ALPK2: variants seen among roughly 807,000 people sequenced by gnomAD.
ALPK2 encodes the protein alpha kinase 2.
A neutral mutation model predicts 163.1 loss-of-function variants in ALPK2; 127 were observed. That is an observed-to-expected ratio of 0.78 (90% CI 0.67 to 0.90). The LOEUF (loss-of-function observed/expected upper bound fraction) is 0.90, where lower values mean the gene tolerates loss of function less well. Among genes scored for constraint, ALPK2 ranks in the 40% least tolerant of loss-of-function variants. The pLI is 0.00. For synonymous variants in ALPK2, 953 were observed against 959.1 expected (o/e 0.99, Z 0.12); for missense variants, 2,360 against 2,589.6 (o/e 0.91, Z 1.92).
chr18:58,501,393 T>TTG (rs1281132705), intron 11 of ALPK2, among the ~76,000 whole-genome samples: 2 of 152,146 alleles, frequency 1.3e-5, no homozygotes, highest in East Asian at 1.9e-4. Flanking sequence ...ACCATATGTT[T>TTG]TGTGTGTGTG....
rs2052245909 is a variant in ALPK2 at position 58,628,993 on chromosome 18, A to T, written c.-250T>A. On this transcript the variant is annotated 5_prime_UTR_variant, in exon 1 of 13. Coordinates refer to ENST00000361673, the MANE Select transcript of ALPK2 (RefSeq NM_052947.4). ...ATTCCATGCCCGGGGAAGTTCTGGAAGAAGAGCATTTTTTCCCCGCCCTTC... is the reference window on the plus strand; with the variant it reads ...ATTCCATGCCCGGGGAAGTTCTGGATGAAGAGCATTTTTTCCCCGCCCTTC... 1 of 152,260 alleles carries T rather than the reference A, an allele frequency of 6.6e-6. No individual in the cohort carries two copies. The highest frequency in any genetic ancestry group is 2.4e-5 in the African/African-American group (1 of 41,458). 9.4% of individuals were successfully genotyped at this position (152,260 alleles called of 1,614,324 possible).
At chr18:58,521,628 T>TC (rs1555665544) in intron 8 of ALPK2, among the ~76,000 whole-genome samples, 15 of 19,172 alleles carry the variant, frequency 7.8e-4, no homozygotes, top group East Asian at 3.4e-3. Flanking sequence ...TCTCTCTCTC[T>TC]TTTTTTTTTT....
intron 4 of ALPK2, among the ~76,000 whole-genome samples, chr18:58,562,369 T>C (rs903307309): frequency 6.6e-6 from 1 of 152,268 alleles, no homozygotes; most frequent in Non-Finnish European, 1.5e-5. Context: ...TTTTTAACTA[T>C]AGAACTGACT....
intron 4 of ALPK2, among the ~76,000 whole-genome samples, chr18:58,567,184 G>A (rs565538304): frequency 4.6e-5 from 7 of 151,686 alleles, no homozygotes; most frequent in African/African-American, 1.7e-4. Flanking sequence ...TCAGGAGTTC[G>A]AGACCAGTGT....
rs1219511655 is a variant in ALPK2 at position 58,524,003 on chromosome 18, C to T, written c.5561G>A (p.Gly1854Glu). ...AIVQASPKDQ[G>E]LYYCCIKNSY... Reference sequence around the variant, plus strand: ...GTTCTTGATGCAGCAGTAATAGAGTCCCTGGTCCTTCGGACTGGCTTGCAC... The same window carrying T: ...GTTCTTGATGCAGCAGTAATAGAGTTCCTGGTCCTTCGGACTGGCTTGCAC... Residue 1854 changes from glycine to glutamate, a missense_variant, in exon 7 of 13, where the codon GGA becomes GAA. By Grantham distance (98) the Gly-to-Glu change is moderately conservative (BLOSUM62 -2). Transcript: ENST00000361673. 1 of 1,614,068 alleles carries T rather than the reference C, an allele frequency of 6.2e-7. No homozygotes were observed. The highest frequency in any genetic ancestry group is 8.5e-7 in the Non-Finnish European group (1 of 1,180,024).
intron 4 of ALPK2, among the ~76,000 whole-genome samples, chr18:58,554,735 G>A (rs757629492): frequency 3.4e-4 from 51 of 152,204 alleles, no homozygotes; most frequent in Non-Finnish European, 6.5e-4. Context: ...TAACAAGCCT[G>A]TTTATGCCCA....
Position 58,580,221 on chromosome 18 carries a change from G to C in ALPK2, c.555C>G (p.Ser185=). 6.2e-7 allele frequency: 1 copy of C among 1,614,172 alleles called. No homozygotes were observed. The highest frequency in any genetic ancestry group is 8.5e-7 in the Non-Finnish European group (1 of 1,180,026). Residue 185 remains serine, a synonymous_variant, in exon 4 of 13, where the codon TCC becomes TCG. Transcript: ENST00000361673. ...TAACACCCAAAGGATTTTCAGAACT[G>C]GACACACTAATGTCAAGATTGCCCA... ...QSLGNLDISV[S]SSENPLGVKG...
At chr18:58,589,379 C>T (rs149993026) in intron 3 of ALPK2, among the ~76,000 whole-genome samples, 104 of 152,212 alleles carry the variant, frequency 6.8e-4, no homozygotes, top group Middle Eastern at 3.4e-3. Flanking sequence ...CCTAAAAGTT[C>T]TTCAGGATTC....
intron 5 of ALPK2, among the ~76,000 whole-genome samples, chr18:58,529,623 T>C (rs1343023988): frequency 6.6e-6 from 1 of 152,160 alleles, no homozygotes; most frequent in Non-Finnish European, 1.5e-5. Flanking sequence ...AGCTAGGAAT[T>C]AGGGAGTAGA....
At chr18:58,501,180 C>T (rs977723036) in intron 11 of ALPK2, among the ~76,000 whole-genome samples, 32 of 152,194 alleles carry the variant, frequency 2.1e-4, no homozygotes, top group Non-Finnish European at 3.5e-4. Flanking sequence ...AAACCACACA[C>T]GTCATTTACA....
chr18:58,564,257 G>T (rs2051839919), intron 4 of ALPK2, among the ~76,000 whole-genome samples: 1 of 150,858 alleles, frequency 6.6e-6, no homozygotes, highest in South Asian at 2.1e-4. Flanking sequence ...CACATAGCTG[G>T]GATTACAGAC....
At chr18:58,562,613 G>A (rs1391296800) in intron 4 of ALPK2, among the ~76,000 whole-genome samples, 1 of 152,214 alleles carries the variant, frequency 6.6e-6, no homozygotes, top group Non-Finnish European at 1.5e-5. Context: ...TGTACCAAAT[G>A]GCTCCCAAAT....
chr18:58,593,317 G>A (rs2052023938), intron 3 of ALPK2, among the ~76,000 whole-genome samples: 2 of 152,210 alleles, frequency 1.3e-5, no homozygotes, highest in African/African-American at 2.4e-5. Flanking sequence ...TGTAGTCCCA[G>A]CACTTTGGGA....
Position 58,509,284 on chromosome 18 carries a change from C to T in ALPK2, c.6030-5136G>A, listed in dbSNP as rs1362487977. Among the ~76,000 whole-genome samples, 12 of 152,070 alleles carry T rather than the reference C, an allele frequency of 7.9e-5. 1 individual carries two copies. In the South Asian group the frequency reaches 1.5e-3, roughly 19 times the overall value. ...ACATTTTCTTAATCCAGTCTATCATCGTTGGACATTTGGGTTGGTTCCAAG... is the reference window on the plus strand; with the variant it reads ...ACATTTTCTTAATCCAGTCTATCATTGTTGGACATTTGGGTTGGTTCCAAG... On this transcript the variant is annotated intron_variant, in intron 10 of 12. Transcript: ENST00000361673.
chr18:58,492,193 GAC>G (rs1270669254), intron 12 of ALPK2, among the ~76,000 whole-genome samples: 2 of 151,652 alleles, frequency 1.3e-5, no homozygotes, highest in East Asian at 3.9e-4. Context: ...AAAAGACACA[GAC>G]ACAGATATAC....
intron 3 of ALPK2, among the ~76,000 whole-genome samples, chr18:58,586,213 A>C (rs1451011657): frequency 6.6e-6 from 1 of 152,208 alleles, no homozygotes; most frequent in Non-Finnish European, 1.5e-5. Flanking sequence ...CCAAAATTCT[A>C]CTTAGGGAAA....
intron 4 of ALPK2, among the ~76,000 whole-genome samples, chr18:58,538,768 G>T (rs1337945485): frequency 6.6e-6 from 1 of 152,180 alleles, no homozygotes; most frequent in Non-Finnish European, 1.5e-5. Context: ...GGCCTAATGG[G>T]AAGTGTTTGG....
chr18:58,583,833 C>T (rs772693235), intron 3 of ALPK2, among the ~76,000 whole-genome samples: 1 of 151,876 alleles, frequency 6.6e-6, no homozygotes, highest in Non-Finnish European at 1.5e-5. Flanking sequence ...ATTTTGATAT[C>T]CTGACCTATC....
At chr18:58,549,670 G>T (rs1341093410) in intron 4 of ALPK2, among the ~76,000 whole-genome samples, 1 of 152,190 alleles carries the variant, frequency 6.6e-6, no homozygotes, top group Non-Finnish European at 1.5e-5. Flanking sequence ...TTCCTCATGG[G>T]CCCCCAATCA....
Sources: allele counts gnomAD v4.1 joint callset (sites outside exome capture counted in the v4.1 genomes callset), GRCh38; gene constraint gnomAD v4.1.1; transcripts MANE v1.5; gene names NCBI Gene and HGNC (gene_info 2026-07-23, HGNC 2026-07-21).